The following MFSD11 variants were observed in gnomAD, a reference collection of about 807,000 sequenced individuals.
MFSD11 encodes major facilitator superfamily domain containing 11, also known as UNC93-like protein MFSD11.
Under a neutral mutation model 53.5 loss-of-function variants are expected in MFSD11, and 36 were observed. The ratio of observed to expected loss-of-function variants is 0.67; its 90% CI spans 0.52 to 0.89. MFSD11 has a LOEUF of 0.89. MFSD11 is among the 40% of genes least tolerant of loss of function. MFSD11 has a pLI of 0.00. For missense variants in MFSD11, 530 were observed against 543.9 expected (o/e 0.97, Z 0.25); for synonymous variants, 186 against 184.9 (o/e 1.01, Z -0.05).
At chr17:76,803,157 A>AAAAAAC in the MFSD11 span, among the ~76,000 whole-genome samples, 2 of 152,028 alleles carry the variant, frequency 1.3e-5, no homozygotes, top group South Asian at 2.1e-4. Flanking sequence ...CTCCGTCTCA[A>AAAAAAC]AAAAACAAAA....
intron 2 of MFSD11, 41 bp from the exon 3 acceptor site, chr17:76,740,916 T>C: frequency 8.7e-7 from 1 of 1,147,150 alleles, no homozygotes; most frequent in Non-Finnish European, 1.3e-6. Flanking sequence ...AGGGCTTTGT[T>C]CTTTTTTTTT....
At chr17:76,760,503 T>A (rs140749971) in intron 8 of MFSD11, among the ~76,000 whole-genome samples, 1 of 151,232 alleles carries the variant, frequency 6.6e-6, no homozygotes, top group Non-Finnish European at 1.5e-5. Context: ...GTAAGTAAAG[T>A]GCAAATTAGA....
At chr17:76,781,988 A>ATTTTTTTTT (rs57536397), downstream of MFSD11, among the ~76,000 whole-genome samples, 1,323 of 137,374 alleles carry the variant, frequency 9.6e-3, 50 homozygotes, top group African/African-American at 0.035. Context: ...TGCCTGGATA[A>ATTTTTTTTT]TTTTTTTTTT....
rs114994625 is a variant in MFSD11, at chr17:76,767,835, T to C, written c.748+384T>C. 6.9e-3 allele frequency among the ~76,000 whole-genome samples: 1,045 copies of C among 152,290 alleles called. 15 individuals are homozygous for C. Among genetic ancestry groups the C allele is most frequent in the African/African-American group, 0.024 (998 of 41,560 alleles). On this transcript the variant is annotated intron_variant, in intron 9 of 12. Coordinates refer to ENST00000685175, the MANE Select transcript of MFSD11 (RefSeq NM_001242532.5). ...CTTCAGTCTAGCCCAGCATCACTTC[T>C]ACTGGATTCTGTTGGTGACAGCAAA...
chr17:76,755,742 A>ACGTG (rs1284830993), intron 8 of MFSD11, among the ~76,000 whole-genome samples: 12 of 126,416 alleles, frequency 9.5e-5, no homozygotes, highest in South Asian at 3.2e-4. Flanking sequence ...ATATATATGT[A>ACGTG]TATATATGTG....
chr17:76,740,932 TTCCG>T, intron 2 of MFSD11, 21 bp from the exon 3 acceptor site: 1 of 1,322,946 alleles, frequency 7.6e-7, no homozygotes, highest in African/African-American at 1.5e-5. Flanking sequence ...TTTTTTTTTT[TTCCG>T]TTTGTGTATT....
chr17:76,762,749 A>ACTAGAGGGTAAT (rs2080402746), intron 8 of MFSD11, among the ~76,000 whole-genome samples: 1 of 151,802 alleles, frequency 6.6e-6, no homozygotes, highest in Non-Finnish European at 1.5e-5. Flanking sequence ...AGTCAACACC[A>ACTAGAGGGTAAT]CTAGAGGGTA....
chr17:76,737,409 T>C, upstream of MFSD11: 2 of 444,592 alleles, frequency 4.5e-6, no homozygotes. Flanking sequence ...AATGAAACCT[T>C]CTGATTGGCC....
At chr17:76,740,358 C>G (rs191030901) in intron 2 of MFSD11, among the ~76,000 whole-genome samples, 2 of 152,096 alleles carry the variant, frequency 1.3e-5, no homozygotes, top group Non-Finnish European at 2.9e-5. Context: ...TCAATAGTAA[C>G]TGAGTAATAA....
At chr17:76,743,814 C>T (rs1209331964) in intron 6 of MFSD11, among the ~76,000 whole-genome samples, 2 of 152,088 alleles carry the variant, frequency 1.3e-5, no homozygotes, top group African/African-American at 2.4e-5. Flanking sequence ...TGGGTTTCTC[C>T]ATGTTGTTCA....
chr17:76,794,802 C>T, the MFSD11 span, among the ~76,000 whole-genome samples: 3 of 148,406 alleles, frequency 2.0e-5, 1 homozygote, highest in South Asian at 6.6e-4. Flanking sequence ...AAGCGATTCT[C>T]CTGCCTCAGT....
intron 7 of MFSD11, among the ~76,000 whole-genome samples, chr17:76,749,295 A>C (rs946335729): frequency 1.3e-5 from 2 of 150,562 alleles, no homozygotes; most frequent in Non-Finnish European, 3.0e-5. Context: ...AGGCCGAGAC[A>C]GGCGGATTGC....
rs187185792 is a variant in MFSD11 at position 76,767,844 on chromosome 17, C to T, written c.748+393C>T. Among the ~76,000 whole-genome samples the T allele has an allele frequency of 4.6e-5, 7 of 152,268 alleles. No individual in the cohort carries two copies. The East Asian group carries it at 1.2e-3, about 25-fold the overall frequency. ...AGCCCAGCATCACTTCTACTGGATT[C>T]TGTTGGTGACAGCAAATCACAGGGT... On this transcript the variant is annotated intron_variant, in intron 9 of 12. Transcript: ENST00000685175.
At chr17:76,751,403 A>G (rs911480968) in intron 7 of MFSD11, among the ~76,000 whole-genome samples, 3 of 151,506 alleles carry the variant, frequency 2.0e-5, no homozygotes, top group Non-Finnish European at 4.4e-5. Flanking sequence ...AAAAAAAAAA[A>G]TCTTTCTAGG....
In MFSD11 at chr17:76,746,157, C is replaced by T. The variant is rs555537453; in HGVS notation, c.641+1691C>T. 1.1e-4 allele frequency among the ~76,000 whole-genome samples: 17 copies of T among 152,264 alleles called. 1 individual carries two copies. Among genetic ancestry groups the T allele is most frequent in the Admixed American group, 2.6e-4 (4 of 15,290 alleles). On this transcript the variant is annotated intron_variant, in intron 7 of 12. Coordinates refer to ENST00000685175, the MANE Select transcript of MFSD11 (RefSeq NM_001242532.5). Reference sequence around the variant, plus strand: ...AAGTGAAACAGCCTTATTGCTGATACGGAGAAAGTTTTAGTGGTCTGGATA... The same window carrying T: ...AAGTGAAACAGCCTTATTGCTGATATGGAGAAAGTTTTAGTGGTCTGGATA...
chr17:76,794,219 C>T, the MFSD11 span, among the ~76,000 whole-genome samples: 2 of 151,492 alleles, frequency 1.3e-5, no homozygotes, highest in African/African-American at 4.9e-5. Flanking sequence ...TGTGGTGGCT[C>T]ACACCTGTAA....
In MFSD11 at chr17:76,750,935, C is replaced by G. The variant is rs184888480; in HGVS notation, c.642-3112C>G. 9.7e-3 allele frequency among the ~76,000 whole-genome samples: 1,470 copies of G among 151,562 alleles called. 17 individuals carry two copies. The highest frequency in any genetic ancestry group is 0.032 in the South Asian group (151 of 4,788). On this transcript the variant is annotated intron_variant, in intron 7 of 12. Coordinates refer to ENST00000685175, the MANE Select transcript of MFSD11 (RefSeq NM_001242532.5). ...TCTGCTGCCTCGGCCTCCCAAGTAG[C>G]TGGGATTACAGGCACCTGCCACACC...
chr17:76,771,823 T>C (rs1315273065), intron 10 of MFSD11, among the ~76,000 whole-genome samples: 1 of 152,084 alleles, frequency 6.6e-6, no homozygotes, highest in Non-Finnish European at 1.5e-5. Context: ...CTGTAGGAGA[T>C]GGGGTTTGAG....
At chr17:76,737,243 A>T (rs751056961), upstream of MFSD11, 4 of 1,454,376 alleles carry the variant, frequency 2.8e-6, no homozygotes, top group Non-Finnish European at 3.6e-6. Flanking sequence ...CCTCTCAGGC[A>T]GTTGCCTTCC....
Sources: gnomAD v4.1 joint callset for allele counts (sites outside exome capture counted in the v4.1 genomes callset) on GRCh38, gnomAD v4.1.1 for gene constraint, MANE v1.5 for transcripts, NCBI Gene and HGNC (gene_info 2026-07-23, HGNC 2026-07-21) for gene names.